SIPA1L1: variants seen among roughly 807,000 people sequenced by gnomAD.
The protein encoded by SIPA1L1 is signal induced proliferation associated 1 like 1.
SIPA1L1 carries 26 observed loss-of-function variants against 162.7 expected under a neutral mutation model. That is an observed-to-expected ratio of 0.16 (90% CI 0.12 to 0.22). The LOEUF (loss-of-function observed/expected upper bound fraction) is 0.22. SIPA1L1 is among the 10% of genes least tolerant of loss of function. The probability of loss-of-function intolerance (pLI) is 1.00; values close to 1 mark genes in which losing one functional copy is unlikely to be tolerated. For synonymous variants in SIPA1L1, 829 were observed against 837.4 expected (o/e 0.99, Z 0.17); for missense variants, 1,874 against 2,241.0 (o/e 0.84, Z 3.31).
At chr14:71,659,835 T>TA (rs1566586550) in intron 9 of SIPA1L1, among the ~76,000 whole-genome samples, 1 of 152,140 alleles carries the variant, frequency 6.6e-6, no homozygotes, top group Non-Finnish European at 1.5e-5. Flanking sequence ...GCAAAAATGT[T>TA]ACAGTCTTAA....
rs1567256577 is a variant in SIPA1L1, at chr14:71,588,842, C to T, written c.970C>T (p.Pro324Ser). Residue 324 changes from proline to serine, a missense_variant, in exon 5 of 24, where the codon CCC becomes TCC. Physicochemically the swap from Pro to Ser is moderately conservative, Grantham distance 74 (BLOSUM62 -1). Around this residue, in one of 5 missense-constraint regions of SIPA1L1, gnomAD observed 685 missense variants for 828.0 expected, o/e 0.83. Transcript: ENST00000381232. The surrounding 1 kb of genome is among the most constrained non-coding windows in gnomAD (Gnocchi z 4.3). ...TAACCGATCAGAAGACTCTGTCAGG[C>T]CCTGGACATGTCCAAAGTGCTTTGC... ...EDNRSEDSVR[P>S]WTCPKCFAHY... 1 of 1,614,110 alleles carries T rather than the reference C, an allele frequency of 6.2e-7. No homozygotes were observed. The highest frequency in any genetic ancestry group is 8.5e-7 in the Non-Finnish European group (1 of 1,179,994).
chr14:71,591,410 A>G (rs2035379341), intron 5 of SIPA1L1, among the ~76,000 whole-genome samples: 1 of 152,168 alleles, frequency 6.6e-6, no homozygotes, highest in Non-Finnish European at 1.5e-5. Flanking sequence ...CTGCTAGGTT[A>G]AAGAGATGGA....
chr14:71,707,948 G>A (rs558344994), intron 16 of SIPA1L1, among the ~76,000 whole-genome samples: 4 of 146,366 alleles, frequency 2.7e-5, no homozygotes, highest in Admixed American at 1.4e-4. Flanking sequence ...GTTTTGATTC[G>A]TATTTCCCTA....
chr14:71,418,620 TCA>T, intron 2 of SIPA1L1, among the ~76,000 whole-genome samples: 1 of 152,228 alleles, frequency 6.6e-6, no homozygotes, highest in Non-Finnish European at 1.5e-5. Context: ...TGCCAGTTGA[TCA>T]TGAATTGCTA....
At chr14:71,554,363 A>G (rs937127959) in intron 4 of SIPA1L1, among the ~76,000 whole-genome samples, 13 of 152,234 alleles carry the variant, frequency 8.5e-5, no homozygotes, top group Non-Finnish European at 1.5e-4. Context: ...CGTGCAACTT[A>G]AACACCACAG....
intron 2 of SIPA1L1, among the ~76,000 whole-genome samples, chr14:71,445,230 T>C (rs2045250592): frequency 1.3e-5 from 2 of 152,172 alleles, no homozygotes; most frequent in Admixed American, 1.3e-4. Flanking sequence ...CTTTGTTCTT[T>C]CAAAATTGTG....
chr14:71,637,310 A>G (rs917726897), intron 7 of SIPA1L1, among the ~76,000 whole-genome samples: 6 of 152,194 alleles, frequency 3.9e-5, no homozygotes, highest in Non-Finnish European at 5.9e-5. Context: ...GGAGAGTACA[A>G]TACAATAAGA....
In SIPA1L1 at chr14:71,588,442, A is replaced by C. The variant is rs1385206262; in HGVS notation, c.570A>C (p.Glu190Asp). The part of the protein sequence containing the change: ...ISELDVDSFD[E>D]CISPTYKTGP... The stretch of plus-strand genomic sequence containing the variant: ...AACTTGATGTGGATAGCTTTGATGA[A>C]TGTATCTCACCTACATACAAGACTG... The change falls in exon 5 of 24, where the codon GAA (glutamate) becomes GAC (aspartate). Residue 190 changes from glutamate (E) to aspartate (D), a missense_variant. Glu to Asp is a conservative substitution (Grantham distance 45). Coordinates refer to ENST00000381232, the MANE Select transcript of SIPA1L1 (RefSeq NM_001386936.1). The surrounding 1 kb of genome is among the most constrained non-coding windows in gnomAD (Gnocchi z 4.3). 1 of 1,614,100 alleles carries C rather than the reference A, an allele frequency of 6.2e-7. No homozygotes were observed. The highest frequency in any genetic ancestry group is 2.2e-5 in the East Asian group (1 of 44,874).
At chr14:71,485,427 C>T (rs566652583) in intron 2 of SIPA1L1, among the ~76,000 whole-genome samples, 1 of 152,164 alleles carries the variant, frequency 6.6e-6, no homozygotes, top group South Asian at 2.1e-4. Flanking sequence ...CTGAGCTCCG[C>T]CTCTTGTCAG....
intron 4 of SIPA1L1, among the ~76,000 whole-genome samples, chr14:71,537,828 T>A (rs189628979): frequency 1.2e-4 from 18 of 152,258 alleles, no homozygotes; most frequent in Admixed American, 1.2e-3. Flanking sequence ...GAAAAAGAGT[T>A]CAGGTGAGGA....
intron 2 of SIPA1L1, among the ~76,000 whole-genome samples, chr14:71,494,973 C>T (rs536099458): frequency 1.3e-5 from 2 of 152,302 alleles, no homozygotes; most frequent in Admixed American, 1.3e-4. Context: ...TCAGTTGATC[C>T]TCCCATCTTG....
intron 14 of SIPA1L1, among the ~76,000 whole-genome samples, chr14:71,700,240 C>T (rs2081980641): frequency 6.6e-6 from 1 of 151,484 alleles, no homozygotes; most frequent in South Asian, 2.1e-4. Context: ...TAAAAGTTTA[C>T]ACTGCTACCA....
intron 2 of SIPA1L1, among the ~76,000 whole-genome samples, chr14:71,353,254 GA>G (rs2036898355): frequency 6.6e-6 from 1 of 152,166 alleles, no homozygotes; most frequent in South Asian, 2.1e-4. Flanking sequence ...CCTGTTTTAA[GA>G]AATTTTAGTT....
chr14:71,341,490 A>T (rs1257998431), intron 2 of SIPA1L1, among the ~76,000 whole-genome samples: 1 of 152,206 alleles, frequency 6.6e-6, no homozygotes, highest in Non-Finnish European at 1.5e-5. Flanking sequence ...TTAGAAATAT[A>T]CAGATTTTTT....
intron 8 of SIPA1L1, among the ~76,000 whole-genome samples, chr14:71,655,980 A>G (rs1322019314): frequency 6.6e-6 from 1 of 152,094 alleles, no homozygotes; most frequent in Admixed American, 6.6e-5. Context: ...TCTTTCTGGT[A>G]AAGTTTAATA....
At chr14:71,710,336 TA>T (rs2082774760) in intron 17 of SIPA1L1, among the ~76,000 whole-genome samples, 1 of 152,154 alleles carries the variant, frequency 6.6e-6, no homozygotes. Flanking sequence ...GATTGGAGCC[TA>T]AAATCCCCAA....
chr14:71,572,636 A>G (rs2032294433), intron 4 of SIPA1L1, among the ~76,000 whole-genome samples: 1 of 152,198 alleles, frequency 6.6e-6, no homozygotes, highest in Non-Finnish European at 1.5e-5. Context: ...GGGGCATGAG[A>G]AGAGCCCTAG....
chr14:71,383,985 C>A (rs1477901238), intron 2 of SIPA1L1, among the ~76,000 whole-genome samples: 1 of 152,136 alleles, frequency 6.6e-6, no homozygotes, highest in Non-Finnish European at 1.5e-5. Flanking sequence ...TTCAGTCACC[C>A]AGGAGGACGG....
intron 6 of SIPA1L1, among the ~76,000 whole-genome samples, chr14:71,622,888 G>A (rs2039594308): frequency 6.6e-6 from 1 of 152,168 alleles, no homozygotes; most frequent in Non-Finnish European, 1.5e-5. Flanking sequence ...GCTCACAGCT[G>A]CCTCATCCAT....
Sources: allele counts gnomAD v4.1 joint callset (sites outside exome capture counted in the v4.1 genomes callset), GRCh38; gene constraint gnomAD v4.1.1; regional missense constraint gnomAD v4.1.1; non-coding constraint Gnocchi (gnomAD v3.1); transcripts MANE v1.5; gene names NCBI Gene and HGNC (gene_info 2026-07-23, HGNC 2026-07-21).